The following EFR3A variants were observed in gnomAD, a reference collection of about 807,000 sequenced individuals.
EFR3A encodes the protein EFR3 homolog A.
EFR3A carries 76 observed loss-of-function variants against 104.4 expected under a neutral mutation model. That is an observed-to-expected ratio of 0.73 (90% confidence interval 0.60 to 0.88). The LOEUF (loss-of-function observed/expected upper bound fraction) is 0.88, where lower values mean the gene tolerates loss of function less well. Ranked by LOEUF, EFR3A falls within the 40% of genes least tolerant of loss-of-function variation. The probability of loss-of-function intolerance (pLI) is 0.00; values close to 1 mark genes in which losing one functional copy is unlikely to be tolerated. For synonymous variants in EFR3A, 330 were observed against 330.0 expected (o/e 1.00, Z 0.00); for missense variants, 985 against 1,012.5 (o/e 0.97, Z 0.37).
chr8:131,972,413 T>C (rs967405454), intron 10 of EFR3A, among the ~76,000 whole-genome samples: 3 of 151,932 alleles, frequency 2.0e-5, no homozygotes, highest in African/African-American at 4.8e-5. Context: ...TGGATGCTAA[T>C]ATCTTGGACT....
chr8:131,968,255 G>A (rs764796597), intron 8 of EFR3A, 40 bp from the exon 9 acceptor site: 3 of 1,593,278 alleles, frequency 1.9e-6, no homozygotes, highest in South Asian at 2.3e-5. Flanking sequence ...CAAGGTACAT[G>A]TACTTTTTAT....
chr8:131,925,424 A>G (rs762770687), intron 1 of EFR3A, among the ~76,000 whole-genome samples: 1 of 152,132 alleles, frequency 6.6e-6, no homozygotes, highest in African/African-American at 2.4e-5. Flanking sequence ...TAAGTTACCT[A>G]CTTAGCTCTT....
chr8:131,939,209 T>G (rs908185368), intron 1 of EFR3A, among the ~76,000 whole-genome samples: 1 of 152,076 alleles, frequency 6.6e-6, no homozygotes, highest in Non-Finnish European at 1.5e-5. Flanking sequence ...GAAGAAGGCA[T>G]TATTACATCT....
intron 1 of EFR3A, among the ~76,000 whole-genome samples, chr8:131,935,734 T>A (rs1286283616): frequency 6.6e-6 from 1 of 152,130 alleles, no homozygotes; most frequent in Non-Finnish European, 1.5e-5. Context: ...ATTTTTGTTT[T>A]GGAGGATAGC....
chr8:131,944,985 A>T, intron 3 of EFR3A, 113 bp downstream of exon 3: 1 of 1,172,638 alleles, frequency 8.5e-7, no homozygotes, highest in South Asian at 1.5e-5. Context: ...TATATAGAGG[A>T]TAAAACATTG....
chr8:131,984,838 C>A, intron 15 of EFR3A, 91 bp from the exon 16 acceptor site: 1 of 1,211,114 alleles, frequency 8.3e-7, no homozygotes, highest in Non-Finnish European at 1.1e-6. Context: ...GTTAGCTTTC[C>A]AAACTACCTG....
In EFR3A at chr8:131,977,564, G is replaced by A. The variant is rs182046808; in HGVS notation, c.1326+472G>A. Among the ~76,000 whole-genome samples, 1,016 of 152,270 alleles carry A rather than the reference G, an allele frequency of 6.7e-3. 4 individuals carry two copies. Among genetic ancestry groups the A allele is most frequent in the Middle Eastern group, 0.017 (5 of 294 alleles). ...GAAGTGGCTATAAGTAGCTGAAAAG[G>A]AAAAGTATACCCAGAATGAAAGGTC... On this transcript the variant is annotated intron_variant, in intron 12 of 22. Transcript: ENST00000254624.
At chr8:131,970,213 A>G (rs1163494907) in intron 9 of EFR3A, among the ~76,000 whole-genome samples, 6 of 152,208 alleles carry the variant, frequency 3.9e-5, no homozygotes, top group Non-Finnish European at 5.9e-5. Flanking sequence ...TTATATGCCT[A>G]TACACATTTT....
At chr8:131,971,477 A>G (rs6985127) in intron 10 of EFR3A, among the ~76,000 whole-genome samples, 6,291 of 152,102 alleles carry the variant, frequency 0.041, 318 homozygotes, top group East Asian at 0.12. Flanking sequence ...TCACGAGGTC[A>G]GGAGATCAAG....
chr8:132,008,047 A>C (rs1822132788), intron 22 of EFR3A, among the ~76,000 whole-genome samples: 2 of 152,030 alleles, frequency 1.3e-5, no homozygotes, highest in Non-Finnish European at 2.9e-5. Context: ...GAGCAAAAAG[A>C]TTTCTTAGGA....
rs568092918 is a variant in EFR3A, at chr8:132,013,502, T to C, written c.*2607T>C. On this transcript the variant is annotated 3_prime_UTR_variant, in exon 23 of 23. Coordinates refer to ENST00000254624, the MANE Select transcript of EFR3A (RefSeq NM_015137.6). The stretch of plus-strand genomic sequence containing the variant: ...GTGCTTATATCTGTATTAAATGCAA[T>C]AAAGTTAGTTTTTGAAATGTAAAAA... 20 of 152,756 alleles carry C rather than the reference T, an allele frequency of 1.3e-4. No individual in the cohort carries two copies. In the East Asian group the frequency reaches 3.1e-3, roughly 24 times the overall value. 9.5% of individuals were successfully genotyped at this position (152,756 alleles called of 1,614,324 possible). A position where few individuals can be genotyped will look rare whatever the true frequency, so the allele number is the denominator to read the frequency against.
chr8:131,957,256 A>G (rs1296511675), intron 7 of EFR3A, among the ~76,000 whole-genome samples: 1 of 152,146 alleles, frequency 6.6e-6, no homozygotes, highest in Non-Finnish European at 1.5e-5. Context: ...TAATATTTAT[A>G]AAATAATATA....
chr8:132,004,285 A>G (rs1821929029), intron 22 of EFR3A, among the ~76,000 whole-genome samples: 1 of 152,216 alleles, frequency 6.6e-6, no homozygotes, highest in African/African-American at 2.4e-5. Context: ...GTACTGGCCC[A>G]TGGCCTATTA....
chr8:131,974,331 A>G (rs541965926), intron 10 of EFR3A, among the ~76,000 whole-genome samples: 1 of 152,360 alleles, frequency 6.6e-6, no homozygotes, highest in East Asian at 1.9e-4. Context: ...GGGAAGTATG[A>G]TAGTGCTTGC....
intron 4 of EFR3A, among the ~76,000 whole-genome samples, chr8:131,946,891 C>T (rs990928968): frequency 3.3e-5 from 5 of 151,940 alleles, no homozygotes; most frequent in African/African-American, 4.8e-5. Flanking sequence ...TTCTCTTGGT[C>T]TTTTATTGCA....
chr8:131,915,694 A>G (rs1409896233), intron 1 of EFR3A, among the ~76,000 whole-genome samples: 2 of 152,208 alleles, frequency 1.3e-5, no homozygotes, highest in Non-Finnish European at 2.9e-5. Flanking sequence ...GCCTTAAAGT[A>G]TACTACAGAT....
chr8:131,965,047 C>T (rs1171055273), intron 8 of EFR3A, among the ~76,000 whole-genome samples: 1 of 152,074 alleles, frequency 6.6e-6, no homozygotes, highest in Admixed American at 6.5e-5. Context: ...CTTCCTTACA[C>T]CTTATACAAA....
At chr8:131,925,992 A>G (rs1462610976) in intron 1 of EFR3A, among the ~76,000 whole-genome samples, 1 of 152,112 alleles carries the variant, frequency 6.6e-6, no homozygotes, top group East Asian at 1.9e-4. Flanking sequence ...TAAATGCAAC[A>G]AGGTCAGTAA....
chr8:131,953,796 T>TC (rs1188819159), intron 5 of EFR3A, 22 bp from the exon 6 acceptor site: 2 of 1,494,404 alleles, frequency 1.3e-6, no homozygotes, highest in African/African-American at 1.4e-5. Context: ...CTCATTTTCT[T>TC]CCTTTTTTTT....
Sources: gnomAD v4.1 joint callset for allele counts (sites outside exome capture counted in the v4.1 genomes callset) on GRCh38, gnomAD v4.1.1 for gene constraint, MANE v1.5 for transcripts, NCBI Gene and HGNC (gene_info 2026-07-23, HGNC 2026-07-21) for gene names.